The following H2BC26 variants were observed in gnomAD, a reference collection of about 807,000 sequenced individuals.
H2BC26 encodes H2B clustered histone 26.
chr1:228,458,260 A>G, the H2BC26 span: 2 of 1,614,204 alleles, frequency 1.2e-6, no homozygotes, highest in Non-Finnish European at 1.7e-6. Flanking sequence ...TACGTGTACA[A>G]GGTGCTGAAG....
At chr1:228,458,362 C>T in the H2BC26 span, 11 of 1,614,116 alleles carry the variant, frequency 6.8e-6, no homozygotes, top group East Asian at 1.3e-4. Flanking sequence ...GCCAGCGAGG[C>T]CTCCCGCCTG....
At chr1:228,458,107 C>T in the H2BC26 span, 4 of 1,557,498 alleles carry the variant, frequency 2.6e-6, no homozygotes, top group African/African-American at 1.4e-5. Flanking sequence ...CCGCGCGTTT[C>T]TGTTTGGAGA....
At chr1:228,458,356 G>A in the H2BC26 span, 3 of 1,614,110 alleles carry the variant, frequency 1.9e-6, no homozygotes, top group Admixed American at 5.0e-5. Flanking sequence ...CGCATCGCCA[G>A]CGAGGCCTCC....
the H2BC26 span, chr1:228,458,139 C>T: frequency 1.9e-6 from 3 of 1,604,572 alleles, no homozygotes; most frequent in Non-Finnish European, 2.6e-6. Flanking sequence ...CATGCCAGAC[C>T]CGTCCAAATC....
At chr1:228,458,146 A>T in the H2BC26 span, 2 of 1,607,914 alleles carry the variant, frequency 1.2e-6, no homozygotes, top group Non-Finnish European at 1.7e-6. Flanking sequence ...GACCCGTCCA[A>T]ATCGGCTCCT....
chr1:228,458,217 C>T, the H2BC26 span: 80 of 1,614,082 alleles, frequency 5.0e-5, no homozygotes, highest in Admixed American at 1.0e-4. Flanking sequence ...CGGCAAGAAG[C>T]GCAAGCGCGG....
the H2BC26 span, chr1:228,458,556 C>G: frequency 1.9e-6 from 3 of 1,611,968 alleles, no homozygotes; most frequent in Admixed American, 3.3e-5. Context: ...TCAGAGCCAC[C>G]CACACGATCA....
the H2BC26 span, chr1:228,458,132 G>A: frequency 3.1e-6 from 5 of 1,601,828 alleles, no homozygotes; most frequent in Non-Finnish European, 4.3e-6. Context: ...CAGCCATCAT[G>A]CCAGACCCGT....
the H2BC26 span, chr1:228,458,281 C>G: frequency 1.9e-6 from 3 of 1,614,214 alleles, no homozygotes; most frequent in Non-Finnish European, 2.5e-6. Flanking sequence ...CAGGTGCACC[C>G]CGACACCGGC....
chr1:228,458,122 C>G, the H2BC26 span: 1 of 1,578,748 alleles, frequency 6.3e-7, no homozygotes, highest in South Asian at 1.2e-5. Flanking sequence ...TGGAGAGACT[C>G]AGCCATCATG....
chr1:228,458,366 C>T, the H2BC26 span: 3 of 1,614,134 alleles, frequency 1.9e-6, no homozygotes, highest in East Asian at 4.5e-5. Flanking sequence ...GCGAGGCCTC[C>T]CGCCTGGCAC....
chr1:228,458,114 G>GA, the H2BC26 span: 1 of 1,565,830 alleles, frequency 6.4e-7, no homozygotes, highest in Non-Finnish European at 8.6e-7. Flanking sequence ...TTTCTGTTTG[G>GA]AGAGACTCAG....
At chr1:228,458,389 G>T in the H2BC26 span, 1 of 1,614,160 alleles carries the variant, frequency 6.2e-7, no homozygotes, top group South Asian at 1.1e-5. Context: ...TACAACAAGC[G>T]CTCCACCATC....
the H2BC26 span, chr1:228,458,183 T>C: frequency 1.2e-6 from 2 of 1,613,936 alleles, no homozygotes; most frequent in Non-Finnish European, 1.7e-6. Context: ...CTAAAAAGGC[T>C]GTCACCAAGG....
At chr1:228,458,186 C>T in the H2BC26 span, 34 of 1,614,000 alleles carry the variant, frequency 2.1e-5, no homozygotes, top group East Asian at 2.0e-4. Flanking sequence ...AAAAGGCTGT[C>T]ACCAAGGCAC....
At chr1:228,458,368 G>T in the H2BC26 span, 8 of 1,614,088 alleles carry the variant, frequency 5.0e-6, no homozygotes, top group East Asian at 8.9e-5. Flanking sequence ...GAGGCCTCCC[G>T]CCTGGCACAC....
chr1:228,458,383 A>G, the H2BC26 span: 11 of 1,613,980 alleles, frequency 6.8e-6, no homozygotes, highest in Non-Finnish European at 8.5e-6. Context: ...GCACACTACA[A>G]CAAGCGCTCC....
At chr1:228,458,436 C>T in the H2BC26 span, 1 of 1,614,198 alleles carries the variant, frequency 6.2e-7, no homozygotes, top group Non-Finnish European at 8.5e-7. Context: ...TCGCCTGCTG[C>T]TGCCCGGCGA....
chr1:228,458,113 G>A, the H2BC26 span: 27 of 1,565,642 alleles, frequency 1.7e-5, no homozygotes, highest in East Asian at 4.7e-4. Flanking sequence ...GTTTCTGTTT[G>A]GAGAGACTCA....
Sources: gnomAD v4.1 joint callset for allele counts on GRCh38, gnomAD v4.1.1 for gene constraint, MANE v1.5 for transcripts, NCBI Gene and HGNC (gene_info 2026-07-23, HGNC 2026-07-21) for gene names.